The following GREB1 variants were observed in gnomAD, a reference collection of about 807,000 sequenced individuals.
The protein encoded by GREB1 is growth regulating estrogen receptor binding 1, also known as protein GREB1.
Under a neutral mutation model 200.7 loss-of-function variants are expected in GREB1, and 106 were observed. The ratio of observed to expected loss-of-function variants is 0.53; its 90% CI spans 0.45 to 0.62. GREB1 has a LOEUF of 0.62. Ranked by LOEUF, GREB1 falls within the 20% of genes least tolerant of loss-of-function variation. The pLI, the probability that GREB1 is intolerant of heterozygous loss-of-function variation, is 0.00. For synonymous variants in GREB1, 1,132 were observed against 1,092.4 expected, an observed-to-expected ratio of 1.04 and a Z score of -0.72; for missense variants, 2,243 against 2,556.8, an observed-to-expected ratio of 0.88 and a Z score of 2.65.
At chr2:11,534,910 G>C (rs777594636) in intron 1 of GREB1, among the ~76,000 whole-genome samples, 1 of 152,286 alleles carries the variant, frequency 6.6e-6, no homozygotes, top group African/African-American at 2.4e-5. Flanking sequence ...CACAGGGGGC[G>C]CTGGTGTCTG....
rs549488919 is a variant in GREB1, at chr2:11,620,982, C to T, written c.4122C>T (p.Val1374=). The change falls in exon 23 of 33, where the codon GTC becomes GTT. Residue 1374 remains valine, a synonymous_variant. Coordinates refer to ENST00000381486, the MANE Select transcript of GREB1 (RefSeq NM_014668.4). ...TTGTTCGGCTCACAGAAGTGGATGT[C>T]TATGACGAGGAGGAGATCAATATCA... is the stretch of plus-strand genomic sequence containing the variant. The part of the protein sequence containing the change: ...RMLVRLTEVD[V]YDEEEININL... 5.8e-5 allele frequency: 94 copies of T among 1,609,246 alleles called. 2 individuals are homozygous for T. In the South Asian group the frequency reaches 1.0e-3, roughly 17 times the overall value.
At chr2:11,634,621 T>A (rs1685159513) in intron 29 of GREB1, among the ~76,000 whole-genome samples, 1 of 152,256 alleles carries the variant, frequency 6.6e-6, no homozygotes, top group Admixed American at 6.5e-5. Flanking sequence ...ACATTGCTTT[T>A]TAGAAGCTTT....
chr2:11,507,681 T>A (rs1466405447), intron 1 of GREB1, among the ~76,000 whole-genome samples: 1 of 152,220 alleles, frequency 6.6e-6, no homozygotes, highest in Non-Finnish European at 1.5e-5. Context: ...GGCGCCAGCC[T>A]CCTGCTTCTC....
At chr2:11,538,834 T>TCC (rs1674479273) in intron 1 of GREB1, among the ~76,000 whole-genome samples, 2 of 120,892 alleles carry the variant, frequency 1.7e-5, no homozygotes, top group African/African-American at 6.3e-5. Flanking sequence ...CCTTCCTCCC[T>TCC]CCCTCCATCC....
At chr2:11,487,600 C>T (rs1377416861) in intron 1 of GREB1, among the ~76,000 whole-genome samples, 1 of 152,122 alleles carries the variant, frequency 6.6e-6, no homozygotes, top group African/African-American at 2.4e-5. Flanking sequence ...AAATCTTGAT[C>T]CAACTGATTC....
At chr2:11,636,791 TGGGCAGGGGC>T (rs1558675282) in intron 30 of GREB1, among the ~76,000 whole-genome samples, 109 of 89,006 alleles carry the variant, frequency 1.2e-3, no homozygotes, top group South Asian at 3.3e-3. Context: ...GGCACGGGCA[TGGGCAGGGGC>T]AGAGGCAGGG....
intron 17 of GREB1, among the ~76,000 whole-genome samples, chr2:11,606,756 T>TTATTATTA (rs1225643122): frequency 9.4e-6 from 1 of 106,434 alleles, no homozygotes; most frequent in African/African-American, 3.5e-5. Context: ...TGATTTTAGT[T>TTATTATTA]TCATTATTAT....
chr2:11,514,271 CT>C (rs1352611553), intron 1 of GREB1, among the ~76,000 whole-genome samples: 1 of 152,228 alleles, frequency 6.6e-6, no homozygotes, highest in Middle Eastern at 3.2e-3. Context: ...CAACACTGCT[CT>C]GTACGTATTA....
intron 4 of GREB1, among the ~76,000 whole-genome samples, chr2:11,573,492 A>C (rs1231626085): frequency 6.6e-6 from 1 of 152,220 alleles, no homozygotes; most frequent in East Asian, 1.9e-4. Flanking sequence ...AGATTTCTGA[A>C]GAGAACGGCT....
At chr2:11,517,659 A>AT (rs1232241625) in intron 1 of GREB1, among the ~76,000 whole-genome samples, 6 of 150,238 alleles carry the variant, frequency 4.0e-5, no homozygotes, top group Admixed American at 2.7e-4. Context: ...CATTTTTTAA[A>AT]TTTTTTTTTT....
chr2:11,635,485 T>C lies in GREB1; in HGVS notation c.5346+80T>C, dbSNP rs115695413. ...CACACACACTGAGGGTAGGAGCCAT[T>C]GAGGGAGGCCATGTCTCTTTCAAGC... On this transcript the variant is annotated intron_variant, in intron 30 of 32. Coordinates refer to ENST00000381486, the MANE Select transcript of GREB1 (RefSeq NM_014668.4). 2.8e-3 allele frequency: 4,134 copies of C among 1,488,690 alleles called. 73 individuals are homozygous for C. The African/African-American group carries it at 0.047, about 17-fold the overall frequency. 92.2% of individuals were successfully genotyped at this position (1,488,690 alleles called of 1,614,324 possible).
chr2:11,541,968 C>A (rs149188195), intron 1 of GREB1, among the ~76,000 whole-genome samples: 1 of 152,010 alleles, frequency 6.6e-6, no homozygotes, highest in Admixed American at 6.6e-5. Flanking sequence ...CCATGAGGCC[C>A]GCCAAGACTG....
intron 1 of GREB1, among the ~76,000 whole-genome samples, chr2:11,543,837 C>A (rs1674987067): frequency 1.3e-5 from 2 of 152,074 alleles, no homozygotes; most frequent in Admixed American, 1.3e-4. Flanking sequence ...GGGTGTTGAA[C>A]CCCTGATGTG....
intron 4 of GREB1, among the ~76,000 whole-genome samples, chr2:11,571,659 C>T (rs932023770): frequency 1.3e-5 from 2 of 152,204 alleles, no homozygotes; most frequent in Non-Finnish European, 2.9e-5. Context: ...TTCTTCCTAA[C>T]AGGGACCATT....
intron 1 of GREB1, among the ~76,000 whole-genome samples, chr2:11,516,803 A>G (rs773867278): frequency 6.6e-6 from 1 of 152,232 alleles, no homozygotes; most frequent in South Asian, 2.1e-4. Context: ...AAAGAGAGAC[A>G]AAGTCTCTGT....
intron 9 of GREB1, chr2:11,587,940 G>C (rs1270387386): frequency 1.0e-6 from 1 of 992,750 alleles, no homozygotes. Flanking sequence ...TGAATCTTCT[G>C]ATGGGCTGGG....
At chr2:11,520,629 C>T (rs1272181296) in intron 1 of GREB1, among the ~76,000 whole-genome samples, 1 of 152,198 alleles carries the variant, frequency 6.6e-6, no homozygotes, top group East Asian at 1.9e-4. Flanking sequence ...CTTTCCTTTT[C>T]CTCCTTCTTC....
intron 10 of GREB1, chr2:11,591,933 A>T: frequency 1.1e-6 from 1 of 869,662 alleles, no homozygotes; most frequent in Non-Finnish European, 1.4e-6. Context: ...CAAAGTTTAT[A>T]CTGACAATCA....
chr2:11,618,310 C>T lies in GREB1; in HGVS notation c.3435C>T (p.Ser1145=), dbSNP rs201632670. ...CAGGTTCAGCGCTCGGTGGCGAGTC[C>T]TCGGCTCAGCCCACAGCACTCCCCC... ...KASGSALGGE[S]SAQPTALPQG... The change falls in exon 22 of 33, where the codon TCC becomes TCT. Residue 1145 remains serine, a synonymous_variant. Coordinates refer to ENST00000381486, the MANE Select transcript of GREB1 (RefSeq NM_014668.4). 902 of 1,574,306 alleles carry T rather than the reference C, an allele frequency of 5.7e-4. 4 individuals are homozygous for T. The highest frequency in any genetic ancestry group is 2.9e-3 in the Middle Eastern group (17 of 5,846).
Sources: allele counts gnomAD v4.1 joint callset (sites outside exome capture counted in the v4.1 genomes callset), GRCh38; gene constraint gnomAD v4.1.1; transcripts MANE v1.5; gene names NCBI Gene and HGNC (gene_info 2026-07-23, HGNC 2026-07-21).